Variants in KCNN2 observed in about 807,000 individuals in gnomAD.
KCNN2 encodes the protein small conductance calcium-activated potassium channel protein 2.
KCNN2 carries 24 observed loss-of-function variants against 55.5 expected under a neutral mutation model. The observed-to-expected ratio is 0.43, with a 90% CI of 0.31 to 0.61. KCNN2 has a LOEUF of 0.61. KCNN2 is among the 20% of genes least tolerant of loss of function. KCNN2 has a pLI of 0.08. For missense variants in KCNN2, 754 were observed against 853.6 expected (o/e 0.88, Z 1.45); for synonymous variants, 431 against 336.1 (o/e 1.28, Z -3.09).
chr5:114,321,707 TC>T (rs1756617427), intron 2 of KCNN2, among the ~76,000 whole-genome samples: 1 of 151,986 alleles, frequency 6.6e-6, no homozygotes, highest in African/African-American at 2.4e-5. Flanking sequence ...CTTTGTTCTG[TC>T]CCCCAGGCTG....
intron 2 of KCNN2, among the ~76,000 whole-genome samples, chr5:114,280,038 C>G (rs992999064): frequency 1.5e-4 from 23 of 152,156 alleles, no homozygotes; most frequent in East Asian, 9.6e-4. Context: ...ATTTGCATTT[C>G]TCTGATGGCC....
intron 1 of KCNN2, among the ~76,000 whole-genome samples, chr5:114,082,192 G>A (rs1040264066): frequency 1.4e-4 from 21 of 151,932 alleles, no homozygotes; most frequent in African/African-American, 4.6e-4. Flanking sequence ...GGGCATGGTG[G>A]CATGTACCTG....
intron 1 of KCNN2, among the ~76,000 whole-genome samples, chr5:114,099,256 A>G (rs1251747179): frequency 6.6e-6 from 1 of 152,144 alleles, no homozygotes; most frequent in Non-Finnish European, 1.5e-5. Flanking sequence ...AAGGTTTCTC[A>G]GCGTGATTAT....
chr5:114,220,637 G>A (rs74883905), intron 1 of KCNN2, among the ~76,000 whole-genome samples: 2,194 of 152,122 alleles, frequency 0.014, 46 homozygotes, highest in African/African-American at 0.049. Flanking sequence ...AGAAATCCTG[G>A]CATTGAAAAT....
intron 3 of KCNN2, among the ~76,000 whole-genome samples, chr5:114,453,994 C>T: frequency 6.6e-6 from 1 of 152,056 alleles, no homozygotes; most frequent in East Asian, 1.9e-4. Context: ...CCCCAGTAGG[C>T]CCCGGTATGT....
chr5:114,362,121 C>G lies in KCNN2; in HGVS notation c.-19C>G, dbSNP rs1054240908. 6.4e-6 allele frequency: 1 copy of G among 157,130 alleles called. No homozygotes were observed. Among genetic ancestry groups the G allele is most frequent in the African/African-American group, 2.4e-5 (1 of 41,510 alleles). The allele number at this position is 157,130 out of a possible 1,614,324, so 9.7% of individuals were successfully genotyped here. On this transcript the variant is annotated 5_prime_UTR_variant, in exon 1 of 8. Transcript: ENST00000673685. Reference sequence around the variant, plus strand: ...GGTGCACCACCGCTTGGTCTCCCTGCAGCTTTAACAGCCCTGACATGGAAA... The same window carrying G: ...GGTGCACCACCGCTTGGTCTCCCTGGAGCTTTAACAGCCCTGACATGGAAA...
chr5:114,158,488 T>C (rs1752690292), intron 1 of KCNN2, among the ~76,000 whole-genome samples: 1 of 152,112 alleles, frequency 6.6e-6, no homozygotes, highest in African/African-American at 2.4e-5. Flanking sequence ...CAATGCAGGC[T>C]CTTTTTTGGT....
chr5:114,312,386 TAC>T lies in KCNN2; in HGVS notation c.-184-48511_-184-48510del, dbSNP rs70976336. Among the ~76,000 whole-genome samples, 241 of 51,668 alleles carry T rather than the reference TAC, an allele frequency of 4.7e-3. 1 individual carries two copies. The highest frequency in any genetic ancestry group is 6.9e-3 in the African/African-American group (101 of 14,686). The allele number at this position is 51,668 out of a possible 152,430, so 33.9% of individuals were successfully genotyped here. On this transcript the variant is annotated intron_variant, in intron 2 of 10. Coordinates refer to the KCNN2 transcript ENST00000512097. ...TCATCCTGTGAAATAAAAAAGGAGA[TAC>T]ACACACACACACACACACACACACA...
At chr5:114,491,365 G>A (rs990737957) in intron 6 of KCNN2, among the ~76,000 whole-genome samples, 1 of 152,010 alleles carries the variant, frequency 6.6e-6, no homozygotes, top group African/African-American at 2.4e-5. Flanking sequence ...TTATACAAAT[G>A]TTAATCCATT....
At chr5:114,371,038 G>A (rs1238782248) in intron 2 of KCNN2, among the ~76,000 whole-genome samples, 2 of 152,150 alleles carry the variant, frequency 1.3e-5, no homozygotes, top group Non-Finnish European at 2.9e-5. Flanking sequence ...GGAGAAGTGG[G>A]CTGATTGGAG....
At position 114,259,673 on chromosome 5, in the gene KCNN2, G is replaced by A. The variant is rs184772319; in HGVS notation, c.-185+38108G>A. 8.1e-4 allele frequency among the ~76,000 whole-genome samples: 123 copies of A among 152,242 alleles called. 2 individuals carry two copies. Among genetic ancestry groups the A allele is most frequent in the African/African-American group, 2.3e-3 (94 of 41,550 alleles). On this transcript the variant is annotated intron_variant, in intron 2 of 10. Coordinates refer to the KCNN2 transcript ENST00000512097. Reference sequence around the variant, plus strand: ...CAGCTTACACCAGTGTTTGGGTTCTGACAGTTCAGATACTGGTGGTCTGCT... The same window carrying A: ...CAGCTTACACCAGTGTTTGGGTTCTAACAGTTCAGATACTGGTGGTCTGCT...
chr5:114,460,274 C>CT (rs1387393595), intron 3 of KCNN2, among the ~76,000 whole-genome samples: 3 of 152,182 alleles, frequency 2.0e-5, no homozygotes, highest in Non-Finnish European at 4.4e-5. Flanking sequence ...GAGTCTCACT[C>CT]TGTCATCCAG....
chr5:114,320,333 GC>G (rs1207445940), intron 2 of KCNN2, among the ~76,000 whole-genome samples: 1 of 152,090 alleles, frequency 6.6e-6, no homozygotes, highest in African/African-American at 2.4e-5. Context: ...ATTCATCCAG[GC>G]CGGGTGCTGT....
At chr5:114,472,969 C>A in intron 4 of KCNN2, 85 bp from the exon 5 acceptor site, 1 of 712,066 alleles carries the variant, frequency 1.4e-6, no homozygotes. Flanking sequence ...GAAACTTTTG[C>A]ATTTGATGCA....
chr5:114,281,310 A>G (rs545689890), intron 2 of KCNN2, among the ~76,000 whole-genome samples: 52 of 152,276 alleles, frequency 3.4e-4, no homozygotes, highest in African/African-American at 1.2e-3. Context: ...TTCAATATAT[A>G]CTATTTTTAG....
At chr5:114,365,145 C>T (rs1400058075) in intron 2 of KCNN2, among the ~76,000 whole-genome samples, 3 of 152,094 alleles carry the variant, frequency 2.0e-5, no homozygotes, top group African/African-American at 7.2e-5. Context: ...TAGTGATGCA[C>T]ATTACTCCAA....
chr5:114,443,915 A>G (rs558320231), intron 3 of KCNN2, among the ~76,000 whole-genome samples: 1 of 152,334 alleles, frequency 6.6e-6, no homozygotes, highest in East Asian at 1.9e-4. Context: ...TTGGGACCCA[A>G]TTATTAATGG....
At chr5:114,144,871 AG>A (rs1752365627) in intron 1 of KCNN2, among the ~76,000 whole-genome samples, 1 of 151,422 alleles carries the variant, frequency 6.6e-6, no homozygotes, top group Admixed American at 6.6e-5. Context: ...GGGGGGTATA[AG>A]TCCTCATAAT....
chr5:114,408,015 C>T (rs1212549797), intron 3 of KCNN2, among the ~76,000 whole-genome samples: 2 of 152,096 alleles, frequency 1.3e-5, no homozygotes, highest in Non-Finnish European at 2.9e-5. Context: ...ACCTGTCCTC[C>T]CTTTCGAAAC....
Sources: allele counts gnomAD v4.1 joint callset (sites outside exome capture counted in the v4.1 genomes callset), GRCh38; gene constraint gnomAD v4.1.1; transcripts MANE v1.5; gene names NCBI Gene and HGNC (gene_info 2026-07-23, HGNC 2026-07-21).